DLD: variants seen among roughly 807,000 people sequenced by gnomAD.
DLD encodes the protein dihydrolipoamide dehydrogenase.
In DLD, 36 loss-of-function variants were observed where a neutral mutation model predicts 62.2. That is an observed-to-expected ratio of 0.58 (90% CI 0.44 to 0.76). The LOEUF (loss-of-function observed/expected upper bound fraction) is 0.76. Ranked by LOEUF, DLD falls within the 30% of genes least tolerant of loss-of-function variation. The pLI is 0.00. For missense variants in DLD, 541 were observed against 608.6 expected, an observed-to-expected ratio of 0.89 and a Z score of 1.17; for synonymous variants, 204 against 199.6, an observed-to-expected ratio of 1.02 and a Z score of -0.19.
chr7:107,891,557 C>G, intron 1 of DLD: 1 of 591,208 alleles, frequency 1.7e-6, no homozygotes, highest in Non-Finnish European at 3.0e-6. Context: ...TGCCACACCC[C>G]CAAGCCTGGG....
In DLD at chr7:107,917,970, G is replaced by C; in HGVS notation, c.1283G>C (p.Arg428Thr). The C allele has an allele frequency of 6.2e-7, 1 of 1,614,064 alleles. No homozygotes were observed. The highest frequency in any genetic ancestry group is 8.5e-7 in the Non-Finnish European group (1 of 1,179,928). ...AAATTCCCATTTGCTGCTAACAGCA[G>C]AGCTAAGACAAATGCTGACACAGAT... ...VGKFPFAANSRAKTNADTDGM... is the reference protein window; with the variant it reads ...VGKFPFAANSTAKTNADTDGM... Residue 428 changes from arginine (R) to threonine (T), a missense_variant, in exon 12 of 14, where the codon AGA (arginine) becomes ACA (threonine). Coordinates refer to ENST00000205402, the MANE Select transcript of DLD (RefSeq NM_000108.5).
chr7:107,911,378 C>T (rs551933449), intron 8 of DLD, among the ~76,000 whole-genome samples: 1 of 152,084 alleles, frequency 6.6e-6, no homozygotes, highest in Non-Finnish European at 1.5e-5. Context: ...TTTGTTTATC[C>T]ATTCATCATG....
intron 7 of DLD, among the ~76,000 whole-genome samples, chr7:107,905,929 A>G (rs1433839539): frequency 2.0e-5 from 3 of 152,148 alleles, no homozygotes; most frequent in Admixed American, 1.3e-4. Flanking sequence ...TTGGATACCA[A>G]AACCCACAGA....
At chr7:107,899,863 A>T (rs996247733) in intron 2 of DLD, among the ~76,000 whole-genome samples, 1 of 152,072 alleles carries the variant, frequency 6.6e-6, no homozygotes, top group African/African-American at 2.4e-5. Context: ...ATCAGAAAAG[A>T]CATTAAAAAT....
intron 8 of DLD, among the ~76,000 whole-genome samples, chr7:107,914,064 G>T (rs190174876): frequency 1.4e-4 from 22 of 152,202 alleles, no homozygotes; most frequent in Admixed American, 1.1e-3. Context: ...GCATCTCTGG[G>T]ATGAATCCTG....
At chr7:107,915,738 CTT>C in intron 9 of DLD, 42 bp downstream of exon 9, 1 of 1,572,002 alleles carries the variant, frequency 6.4e-7, no homozygotes, top group Non-Finnish European at 8.7e-7. Context: ...ATCCCTGTCT[CTT>C]TAAGCAAAAC....
At chr7:107,903,447 T>G (rs1405121662) in intron 4 of DLD, 31 bp from the exon 5 acceptor site, 2 of 1,280,420 alleles carry the variant, frequency 1.6e-6, no homozygotes, top group East Asian at 4.7e-5. Flanking sequence ...TTATGAATAT[T>G]TGATAATTTG....
chr7:107,891,173 G>T, upstream of DLD: 2 of 1,571,484 alleles, frequency 1.3e-6, no homozygotes, highest in South Asian at 1.1e-5. Flanking sequence ...CATGCGCAGG[G>T]AGGGGAGACC....
Position 107,905,382 on chromosome 7 carries a change from G to C in DLD, c.460G>C (p.Gly154Arg), listed in dbSNP as rs1158259017. ...AAAGGTTGTTCATGTCAATGGATAT[G>C]GAAAGATAACTGGCAAAAATCAAGT... ...QNKVVHVNGY[G>R]KITGKNQVTA... Residue 154 changes from glycine to arginine, a missense_variant, in exon 7 of 14, where the codon GGA (glycine) becomes CGA (arginine). By Grantham distance (125) the Gly-to-Arg change is moderately radical. Coordinates refer to ENST00000205402, the MANE Select transcript of DLD (RefSeq NM_000108.5). 1 of 1,613,600 alleles carries C rather than the reference G, an allele frequency of 6.2e-7. No homozygotes were observed. The highest frequency in any genetic ancestry group is 1.7e-5 in the Admixed American group (1 of 60,008).
At chr7:107,909,290 T>C (rs992399723) in intron 8 of DLD, among the ~76,000 whole-genome samples, 2 of 152,216 alleles carry the variant, frequency 1.3e-5, no homozygotes, top group Non-Finnish European at 2.9e-5. Flanking sequence ...TTAACTGCTT[T>C]TACTTTTCAT....
At chr7:107,910,973 G>A (rs564896574) in intron 8 of DLD, among the ~76,000 whole-genome samples, 1 of 151,932 alleles carries the variant, frequency 6.6e-6, no homozygotes, top group South Asian at 2.1e-4. Context: ...CTTTTGTCTT[G>A]TTTGCTTTTT....
chr7:107,902,574 T>C (rs1271290553), intron 4 of DLD, among the ~76,000 whole-genome samples, 181 bp downstream of exon 4: 1 of 152,108 alleles, frequency 6.6e-6, no homozygotes, highest in Non-Finnish European at 1.5e-5. Flanking sequence ...ACTTAAAGAG[T>C]GCTGTCACTA....
chr7:107,902,458 T>C (rs2031900928), intron 4 of DLD, 65 bp downstream of exon 4: 1 of 1,331,998 alleles, frequency 7.5e-7, no homozygotes, highest in Non-Finnish European at 1.1e-6. Flanking sequence ...AAGGATGGAT[T>C]GAGACTAGAT....
intron 2 of DLD, among the ~76,000 whole-genome samples, chr7:107,894,349 T>A (rs754786903): frequency 3.3e-5 from 5 of 152,224 alleles, no homozygotes; most frequent in Non-Finnish European, 5.9e-5. Flanking sequence ...GTGAAGTAAT[T>A]TAATCCTGTA....
intron 8 of DLD, among the ~76,000 whole-genome samples, chr7:107,910,120 G>T (rs529551516): frequency 6.6e-5 from 10 of 152,156 alleles, no homozygotes; most frequent in Non-Finnish European, 1.3e-4. Context: ...CTCCCAAAGT[G>T]CTGGGATTAC....
At chr7:107,915,043 T>G (rs2032233767) in intron 8 of DLD, among the ~76,000 whole-genome samples, 1 of 152,188 alleles carries the variant, frequency 6.6e-6, no homozygotes, top group African/African-American at 2.4e-5. Flanking sequence ...GTTCATTGCC[T>G]CACTCCTTCA....
chr7:107,902,229 C>A (rs1371463309), intron 3 of DLD, 96 bp from the exon 4 acceptor site: 1 of 1,072,924 alleles, frequency 9.3e-7, no homozygotes. Context: ...GCCCGAATAG[C>A]TTGTTTTGTA....
At chr7:107,895,423 G>A (rs559424570) in intron 2 of DLD, among the ~76,000 whole-genome samples, 1 of 152,312 alleles carries the variant, frequency 6.6e-6, no homozygotes, top group East Asian at 1.9e-4. Flanking sequence ...GCAAAGTTGT[G>A]TGTGTTACTG....
intron 9 of DLD, among the ~76,000 whole-genome samples, chr7:107,916,419 A>T (rs574552205): frequency 1.9e-4 from 29 of 152,322 alleles, no homozygotes; most frequent in African/African-American, 6.5e-4. Flanking sequence ...TCACACCTGT[A>T]ATCCCAGCAT....
Sources: allele counts gnomAD v4.1 joint callset (sites outside exome capture counted in the v4.1 genomes callset), GRCh38; gene constraint gnomAD v4.1.1; transcripts MANE v1.5; gene names NCBI Gene and HGNC (gene_info 2026-07-23, HGNC 2026-07-21).